Variants in RBMS3 observed in about 807,000 individuals in gnomAD.
RBMS3 encodes the protein RNA binding motif single stranded interacting protein 3, also known as RNA-binding motif, single-stranded-interacting protein 3.
RBMS3 carries 27 observed loss-of-function variants against 66.8 expected under a neutral mutation model. The ratio of observed to expected loss-of-function variants is 0.40; its 90% CI spans 0.30 to 0.56. RBMS3 has a LOEUF of 0.56. Ranked by LOEUF, RBMS3 falls within the 20% of genes least tolerant of loss-of-function variation. The pLI is 0.40. For missense variants in RBMS3, 513 were observed against 549.5 expected, an observed-to-expected ratio of 0.93 and a Z score of 0.66; for synonymous variants, 188 against 183.0, an observed-to-expected ratio of 1.03 and a Z score of -0.22.
intron 4 of RBMS3, among the ~76,000 whole-genome samples, chr3:29,704,857 C>A (rs2149296364): frequency 6.6e-6 from 1 of 152,298 alleles, no homozygotes; most frequent in Admixed American, 6.5e-5. Flanking sequence ...GGTTTACCCA[C>A]AAAAATACTT....
chr3:29,590,337 G>C (rs915630218), intron 4 of RBMS3, among the ~76,000 whole-genome samples: 3 of 151,980 alleles, frequency 2.0e-5, no homozygotes, highest in African/African-American at 7.3e-5. Flanking sequence ...ATTTAGCATA[G>C]AGCCTAGATC....
chr3:29,498,627 G>C (rs967833046), intron 3 of RBMS3, among the ~76,000 whole-genome samples: 4 of 152,198 alleles, frequency 2.6e-5, no homozygotes, highest in Admixed American at 2.0e-4. Flanking sequence ...CCTTGGACAA[G>C]GCACATAACA....
intron 3 of RBMS3, among the ~76,000 whole-genome samples, chr3:29,549,091 C>A (rs2149028545): frequency 7.6e-6 from 1 of 130,852 alleles, no homozygotes; most frequent in Non-Finnish European, 1.6e-5. Flanking sequence ...TTCCATCCCT[C>A]TCCATTCCAC....
chr3:29,768,945 TG>T (rs2056057765), intron 6 of RBMS3, among the ~76,000 whole-genome samples: 1 of 151,888 alleles, frequency 6.6e-6, no homozygotes, highest in South Asian at 2.1e-4. Context: ...AAATTCAAGT[TG>T]GGGGTTCTAG....
chr3:29,629,861 C>T (rs1053553918), intron 4 of RBMS3, among the ~76,000 whole-genome samples: 1 of 152,034 alleles, frequency 6.6e-6, no homozygotes, highest in Non-Finnish European at 1.5e-5. Context: ...AGTGTAAGCA[C>T]TAATATCTTC....
intron 1 of RBMS3, among the ~76,000 whole-genome samples, chr3:29,390,270 A>G (rs1172807021): frequency 6.6e-6 from 1 of 152,196 alleles, no homozygotes; most frequent in South Asian, 2.1e-4. Flanking sequence ...TCCAAATTCA[A>G]GATAAAATGT....
intron 6 of RBMS3, among the ~76,000 whole-genome samples, chr3:29,785,538 T>C (rs770319035): frequency 3.3e-5 from 5 of 152,038 alleles, no homozygotes; most frequent in Non-Finnish European, 7.4e-5. Context: ...CATACTGTAC[T>C]ATAAACATAG....
chr3:29,945,808 G>A (rs546103442), intron 12 of RBMS3, among the ~76,000 whole-genome samples: 17 of 151,778 alleles, frequency 1.1e-4, no homozygotes, highest in African/African-American at 4.1e-4. Flanking sequence ...TCTAGGCTCA[G>A]GAGTTCTCAC....
At chr3:29,337,413 A>G (rs1294281127) in intron 1 of RBMS3, among the ~76,000 whole-genome samples, 3 of 151,944 alleles carry the variant, frequency 2.0e-5, no homozygotes, top group African/African-American at 7.3e-5. Flanking sequence ...CAGGGGTGGG[A>G]GGATTGCTTG....
chr3:29,962,561 T>C (rs1237771092), intron 12 of RBMS3, among the ~76,000 whole-genome samples: 1 of 150,464 alleles, frequency 6.6e-6, no homozygotes, highest in Non-Finnish European at 1.5e-5. Context: ...CATATATATA[T>C]ATATATAATA....
At chr3:29,820,885 C>A (rs9865157) in intron 6 of RBMS3, among the ~76,000 whole-genome samples, 113 of 152,212 alleles carry the variant, frequency 7.4e-4, no homozygotes, top group African/African-American at 2.6e-3. Context: ...CAGAAGATTG[C>A]GACCAACCTG....
chr3:29,886,471 A>G (rs1312843312), intron 8 of RBMS3, among the ~76,000 whole-genome samples: 2 of 151,854 alleles, frequency 1.3e-5, no homozygotes, highest in African/African-American at 4.8e-5. Context: ...GAGATTTGGC[A>G]TAGATTATCC....
At chr3:29,610,481 C>T (rs1309148844) in intron 4 of RBMS3, among the ~76,000 whole-genome samples, 1 of 151,990 alleles carries the variant, frequency 6.6e-6, no homozygotes, top group African/African-American at 2.4e-5. Context: ...AGTGCCTCCA[C>T]CCATATTCAC....
intron 1 of RBMS3, among the ~76,000 whole-genome samples, chr3:29,363,090 A>G (rs1462298329): frequency 2.0e-5 from 3 of 152,132 alleles, no homozygotes; most frequent in East Asian, 3.9e-4. Flanking sequence ...CTGCTTTTTT[A>G]GTTTTGTGCT....
chr3:29,428,525 C>T (rs1257812484), intron 1 of RBMS3, among the ~76,000 whole-genome samples: 1 of 151,148 alleles, frequency 6.6e-6, no homozygotes, highest in African/African-American at 2.4e-5. Context: ...TTGCTTTACT[C>T]TATTGATGTG....
At chr3:29,434,639 G>T in intron 1 of RBMS3, 104 bp from the exon 2 acceptor site, 2 of 1,444,736 alleles carry the variant, frequency 1.4e-6, no homozygotes, top group Non-Finnish European at 1.9e-6. Context: ...GTACGTGTGT[G>T]TATTGGAGAA....
chr3:29,579,343 G>C (rs1171586365), intron 3 of RBMS3, among the ~76,000 whole-genome samples: 1 of 152,144 alleles, frequency 6.6e-6, no homozygotes, highest in Admixed American at 6.5e-5. Flanking sequence ...ATGGATTAAA[G>C]TACCTGGGAA....
intron 6 of RBMS3, among the ~76,000 whole-genome samples, chr3:29,832,402 T>C (rs1358848463): frequency 6.6e-6 from 1 of 152,138 alleles, no homozygotes; most frequent in Non-Finnish European, 1.5e-5. Flanking sequence ...TAAGTACCAA[T>C]GGATGAGAGT....
At chr3:29,382,166 A>C (rs1000855722) in intron 1 of RBMS3, among the ~76,000 whole-genome samples, 4 of 152,192 alleles carry the variant, frequency 2.6e-5, no homozygotes, top group African/African-American at 9.6e-5. Context: ...GCAAACATGG[A>C]GGTAAAATGT....
Sources: gnomAD v4.1 joint callset for allele counts (sites outside exome capture counted in the v4.1 genomes callset) on GRCh38, gnomAD v4.1.1 for gene constraint, MANE v1.5 for transcripts, NCBI Gene and HGNC (gene_info 2026-07-23, HGNC 2026-07-21) for gene names.